Variants in KLHL1 observed in about 807,000 individuals in gnomAD.
The protein encoded by KLHL1 is kelch-like protein 1.
KLHL1 carries 47 observed loss-of-function variants against 77.7 expected under a neutral mutation model. The ratio of observed to expected loss-of-function variants is 0.60; its 90% CI spans 0.48 to 0.77. The LOEUF (loss-of-function observed/expected upper bound fraction) is 0.77. KLHL1 is among the 30% of genes least tolerant of loss of function. KLHL1 has a pLI of 0.00. For missense variants in KLHL1, 925 were observed against 910.8 expected, an observed-to-expected ratio of 1.02 and a Z score of -0.20; for synonymous variants, 360 against 325.2, an observed-to-expected ratio of 1.11 and a Z score of -1.15.
intron 6 of KLHL1, among the ~76,000 whole-genome samples, chr13:69,829,155 C>A (rs1878662903): frequency 6.6e-6 from 1 of 150,440 alleles, no homozygotes; most frequent in East Asian, 1.9e-4. Flanking sequence ...TTAGAGGAAA[C>A]CAGCACACTA....
intron 9 of KLHL1, among the ~76,000 whole-genome samples, chr13:69,718,227 A>G (rs533009359): frequency 6.6e-6 from 1 of 152,218 alleles, no homozygotes; most frequent in East Asian, 1.9e-4. Flanking sequence ...CTTTTCTCCC[A>G]GATACAAGTT....
intron 4 of KLHL1, among the ~76,000 whole-genome samples, chr13:69,930,934 C>T (rs1280916862): frequency 6.6e-6 from 1 of 151,556 alleles, no homozygotes; most frequent in Non-Finnish European, 1.5e-5. Context: ...ATTTTAACTT[C>T]ATCAATTTTC....
intron 4 of KLHL1, among the ~76,000 whole-genome samples, chr13:69,918,612 A>G (rs974158617): frequency 2.6e-5 from 4 of 151,998 alleles, no homozygotes; most frequent in African/African-American, 9.7e-5. Context: ...CAATAACTGG[A>G]CATGTTTCAT....
At chr13:69,975,497 CAAAA>C (rs1157174734) in intron 2 of KLHL1, 119 bp downstream of exon 2, 2 of 796,786 alleles carry the variant, frequency 2.5e-6, no homozygotes, top group African/African-American at 2.0e-5. Flanking sequence ...ACAACAACAA[CAAAA>C]AACTTAAAAA....
intron 1 of KLHL1, among the ~76,000 whole-genome samples, chr13:70,057,179 A>G (rs1886762577): frequency 6.6e-6 from 1 of 152,200 alleles, no homozygotes; most frequent in East Asian, 1.9e-4. Context: ...CTTTGAAAAC[A>G]TAGAAGTAAT....
chr13:70,049,753 AT>A (rs1455028815), intron 1 of KLHL1, among the ~76,000 whole-genome samples: 1 of 152,158 alleles, frequency 6.6e-6, no homozygotes, highest in Non-Finnish European at 1.5e-5. Context: ...TGAGGCCAAG[AT>A]AAACAATGCG....
intron 4 of KLHL1, among the ~76,000 whole-genome samples, chr13:69,911,728 C>T (rs1882245804): frequency 6.6e-6 from 1 of 151,990 alleles, no homozygotes; most frequent in Non-Finnish European, 1.5e-5. Context: ...TGATATGAAG[C>T]ATATAGTTGA....
intron 5 of KLHL1, among the ~76,000 whole-genome samples, chr13:69,882,019 T>C (rs1881015070): frequency 6.6e-6 from 1 of 152,094 alleles, no homozygotes. Flanking sequence ...TCACATTTTA[T>C]AAAGAGATTG....
chr13:69,983,955 A>G (rs1239021462), intron 1 of KLHL1, among the ~76,000 whole-genome samples: 1 of 152,150 alleles, frequency 6.6e-6, no homozygotes, highest in Non-Finnish European at 1.5e-5. Flanking sequence ...GGATATTCAC[A>G]TGCAGAAGAG....
At chr13:69,981,200 C>A (rs2137299205) in intron 1 of KLHL1, among the ~76,000 whole-genome samples, 1 of 150,692 alleles carries the variant, frequency 6.6e-6, no homozygotes, top group Non-Finnish European at 1.5e-5. Context: ...TCTGGCAGTA[C>A]AATTGTGTAC....
In KLHL1 at chr13:69,885,008, T is replaced by C. The variant is rs563359307; in HGVS notation, c.1015-2513A>G. On this transcript the variant is annotated intron_variant, in intron 4 of 10. Coordinates refer to ENST00000377844, the MANE Select transcript of KLHL1 (RefSeq NM_020866.3). ...GACTGCGGACTGCAGTGGCGCAATC[T>C]CGGCTCACTGCAAGCTCCGCTTCCC... 5.6e-3 allele frequency among the ~76,000 whole-genome samples: 734 copies of C among 131,090 alleles called. 60 individuals are homozygous for C. Among genetic ancestry groups the C allele is most frequent in the African/African-American group, 0.023 (659 of 28,188 alleles). 86.0% of individuals were successfully genotyped at this position (131,090 alleles called of 152,430 possible). A position where few individuals can be genotyped will look rare whatever the true frequency, so the allele number is the denominator to read the frequency against.
In KLHL1 at chr13:70,106,303, C is replaced by T. The variant is rs1006273290; in HGVS notation, c.497+900G>A. On this transcript the variant is annotated intron_variant, in intron 1 of 10. Coordinates refer to ENST00000377844, the MANE Select transcript of KLHL1 (RefSeq NM_020866.3). ...TCTTTAATAATGTATTCTGATATCA[C>T]ATGAATCTAAATGCAAATCATTTCA... 2.7e-4 allele frequency among the ~76,000 whole-genome samples: 41 copies of T among 152,110 alleles called. 2 individuals are homozygous for T. In the South Asian group the frequency reaches 8.5e-3, roughly 31 times the overall value.
At chr13:69,883,432 T>C (rs1391727567) in intron 4 of KLHL1, among the ~76,000 whole-genome samples, 1 of 152,220 alleles carries the variant, frequency 6.6e-6, no homozygotes, top group East Asian at 1.9e-4. Context: ...ATGCAAGACT[T>C]ACCTATTACA....
chr13:69,701,816 A>G (rs1237962497), intron 10 of KLHL1, 55 bp from the exon 11 acceptor site: 1 of 1,231,616 alleles, frequency 8.1e-7, no homozygotes, highest in Non-Finnish European at 1.1e-6. Flanking sequence ...AAAATATAAA[A>G]CTTATATTTT....
At chr13:69,799,529 G>A (rs11618357) in intron 6 of KLHL1, among the ~76,000 whole-genome samples, 30,768 of 152,040 alleles carry the variant, frequency 0.2, 3,634 homozygotes, top group South Asian at 0.33. Flanking sequence ...ACTTATCCTA[G>A]TAGCTACAGC....
At chr13:69,801,877 A>G (rs1877399299) in intron 6 of KLHL1, among the ~76,000 whole-genome samples, 2 of 152,014 alleles carry the variant, frequency 1.3e-5, no homozygotes, top group African/African-American at 4.8e-5. Flanking sequence ...TTATTTTTTA[A>G]TTTTACTTTA....
chr13:69,977,597 A>G (rs1884583199), intron 1 of KLHL1, among the ~76,000 whole-genome samples: 2 of 152,148 alleles, frequency 1.3e-5, no homozygotes, highest in South Asian at 4.1e-4. Flanking sequence ...ATAATGGCCA[A>G]GAATTTTCAA....
intron 5 of KLHL1, among the ~76,000 whole-genome samples, chr13:69,875,760 T>C (rs887640847): frequency 6.6e-6 from 1 of 152,140 alleles, no homozygotes; most frequent in African/African-American, 2.4e-5. Flanking sequence ...TTAGGATAAA[T>C]TTATTGATCT....
At chr13:70,061,278 A>T (rs17742723) in intron 1 of KLHL1, among the ~76,000 whole-genome samples, 14,457 of 151,844 alleles carry the variant, frequency 0.095, 923 homozygotes, top group Middle Eastern at 0.14. Context: ...GCTACACAGG[A>T]CTCACAATTA....
Sources: gnomAD v4.1 joint callset for allele counts (sites outside exome capture counted in the v4.1 genomes callset) on GRCh38, gnomAD v4.1.1 for gene constraint, MANE v1.5 for transcripts, NCBI Gene and HGNC (gene_info 2026-07-23, HGNC 2026-07-21) for gene names.